The following NCOA2 variants were observed in gnomAD, a reference collection of about 807,000 sequenced individuals.
The protein encoded by NCOA2 is class E basic helix-loop-helix protein 75.
Under a neutral mutation model 145.1 loss-of-function variants are expected in NCOA2, and 21 were observed. The ratio of observed to expected loss-of-function variants is 0.14; its 90% confidence interval spans 0.10 to 0.21. The LOEUF is 0.21. NCOA2 is among the 10% of genes least tolerant of loss of function. NCOA2 has a pLI of 1.00. For synonymous variants in NCOA2, 619 were observed against 637.5 expected (o/e 0.97, Z 0.44); for missense variants, 1,472 against 1,837.6 (o/e 0.80, Z 3.64).
chr8:70,368,889 G>T (rs1290170673), intron 1 of NCOA2, among the ~76,000 whole-genome samples: 1 of 152,082 alleles, frequency 6.6e-6, no homozygotes, highest in Non-Finnish European at 1.5e-5. Context: ...AAGTCTGGCT[G>T]CTTATGTACT....
chr8:70,335,050 G>T (rs1228201100), intron 1 of NCOA2, among the ~76,000 whole-genome samples: 1 of 147,910 alleles, frequency 6.8e-6, no homozygotes. Flanking sequence ...TTGAACCTGG[G>T]AGGTGGAGGT....
At chr8:70,236,736 T>C (rs955603807) in intron 2 of NCOA2, among the ~76,000 whole-genome samples, 10 of 152,204 alleles carry the variant, frequency 6.6e-5, no homozygotes, top group African/African-American at 1.7e-4. Flanking sequence ...ACTATGTGCA[T>C]AGCATTTGCA....
intron 1 of NCOA2, among the ~76,000 whole-genome samples, chr8:70,389,632 A>C (rs1193863280): frequency 6.6e-6 from 1 of 151,856 alleles, no homozygotes; most frequent in East Asian, 1.9e-4. Flanking sequence ...GACAAGAACA[A>C]GGAGAATGTC....
Position 70,128,420 on chromosome 8 carries a change from T to A in NCOA2, c.3681+13A>T. ...GCATACAATGAAAGCTAATGGCTGG[T>A]ATGTTGCCTTACCTGTGTTGGTACT... On this transcript the variant is annotated intron_variant, in intron 18 of 22. Transcript: ENST00000452400. The A allele has an allele frequency of 1.3e-6, 2 of 1,599,006 alleles. No individual in the cohort carries two copies. Among genetic ancestry groups the A allele is most frequent in the Non-Finnish European group, 1.7e-6 (2 of 1,172,342 alleles).
intron 2 of NCOA2, among the ~76,000 whole-genome samples, chr8:70,293,735 T>C (rs1215142321): frequency 6.6e-6 from 1 of 152,222 alleles, no homozygotes; most frequent in African/African-American, 2.4e-5. Context: ...ATATAACTCT[T>C]GCTCCTGTTT....
chr8:70,157,148 T>C lies in NCOA2; in HGVS notation c.1217A>G (p.Gln406Arg). ...ACCTGGGTTCCCACTGCACAGGGCCTGATGGGCAGGGCTGTTAGAGCTAAT... is the reference window on the plus strand; with the variant it reads ...ACCTGGGTTCCCACTGCACAGGGCCCGATGGGCAGGGCTGTTAGAGCTAAT... Reference protein sequence around the residue: ...NPISSNSPAHQALCSGNPGQD... With the variant: ...NPISSNSPAHRALCSGNPGQD... The change falls in exon 11 of 23, where the codon CAG becomes CGG. Residue 406 changes from glutamine to arginine, a missense_variant. Gln to Arg is a conservative substitution (Grantham distance 43). Around this residue, in one of 4 missense-constraint regions of NCOA2, gnomAD observed 953 missense variants for 1,062.1 expected, o/e 0.90. Coordinates refer to ENST00000452400, the MANE Select transcript of NCOA2 (RefSeq NM_006540.4). 6.2e-7 allele frequency: 1 copy of C among 1,612,532 alleles called. No individual in the cohort carries two copies. The highest frequency in any genetic ancestry group is 1.1e-5 in the South Asian group (1 of 90,968).
intron 1 of NCOA2, among the ~76,000 whole-genome samples, chr8:70,370,088 C>T (rs529490718): frequency 1.3e-5 from 2 of 152,142 alleles, no homozygotes; most frequent in East Asian, 3.9e-4. Flanking sequence ...GTCTCGCCAT[C>T]TTGCCCAGCT....
intron 2 of NCOA2, among the ~76,000 whole-genome samples, chr8:70,224,610 T>C (rs1186656654): frequency 6.6e-6 from 1 of 152,140 alleles, no homozygotes; most frequent in Non-Finnish European, 1.5e-5. Flanking sequence ...GCTTATAAGG[T>C]GCAGATTTGT....
intron 2 of NCOA2, among the ~76,000 whole-genome samples, chr8:70,225,876 C>T (rs1820586422): frequency 6.6e-6 from 1 of 152,090 alleles, no homozygotes; most frequent in Non-Finnish European, 1.5e-5. Context: ...TTTAATTAAC[C>T]TCTTTGGAGC....
At chr8:70,315,901 T>C (rs904334569) in intron 1 of NCOA2, among the ~76,000 whole-genome samples, 9 of 152,180 alleles carry the variant, frequency 5.9e-5, no homozygotes, top group Non-Finnish European at 1.2e-4. Context: ...GAGGACTGAA[T>C]TGAGCCCTAA....
intron 22 of NCOA2, among the ~76,000 whole-genome samples, chr8:70,114,128 A>G (rs1219034263): frequency 6.6e-6 from 1 of 152,076 alleles, no homozygotes; most frequent in African/African-American, 2.4e-5. Context: ...GATACTCCCA[A>G]GGTTCTCTGG....
intron 2 of NCOA2, among the ~76,000 whole-genome samples, chr8:70,285,140 C>T (rs1826150090): frequency 1.3e-5 from 2 of 152,112 alleles, no homozygotes; most frequent in South Asian, 4.1e-4. Context: ...GAGCCTCATG[C>T]TTAACCATGT....
At chr8:70,410,233 T>C in the NCOA2 span, among the ~76,000 whole-genome samples, 3 of 151,960 alleles carry the variant, frequency 2.0e-5, no homozygotes, top group Admixed American at 2.0e-4. Context: ...AAACTGACAA[T>C]ATCAAATACT....
At chr8:70,350,493 C>T (rs752642787) in intron 1 of NCOA2, among the ~76,000 whole-genome samples, 1 of 152,176 alleles carries the variant, frequency 6.6e-6, no homozygotes, top group Non-Finnish European at 1.5e-5. Flanking sequence ...TGGGGACCCA[C>T]ATAATACACT....
At chr8:70,185,861 T>C (rs906338634) in intron 4 of NCOA2, among the ~76,000 whole-genome samples, 1 of 152,216 alleles carries the variant, frequency 6.6e-6, no homozygotes, top group African/African-American at 2.4e-5. Flanking sequence ...TTTTTGGCAA[T>C]TTGAGCAGTT....
At chr8:70,338,904 T>C (rs1418022636) in intron 1 of NCOA2, among the ~76,000 whole-genome samples, 1 of 152,028 alleles carries the variant, frequency 6.6e-6, no homozygotes, top group African/African-American at 2.4e-5. Context: ...CAACATCCCT[T>C]CATGTTAAAA....
intron 2 of NCOA2, among the ~76,000 whole-genome samples, chr8:70,285,335 C>T (rs1487485372): frequency 6.6e-6 from 1 of 152,202 alleles, no homozygotes; most frequent in Admixed American, 6.5e-5. Flanking sequence ...GTTTAGAACA[C>T]AGCATCCACC....
chr8:70,176,944 A>G (rs1563572917), intron 4 of NCOA2, among the ~76,000 whole-genome samples: 1 of 152,174 alleles, frequency 6.6e-6, no homozygotes, highest in Non-Finnish European at 1.5e-5. Context: ...CATGAATACT[A>G]AATCTCAAGG....
the NCOA2 span, among the ~76,000 whole-genome samples, chr8:70,411,347 A>G: frequency 1.1e-4 from 16 of 152,232 alleles, no homozygotes; most frequent in Admixed American, 1.0e-3. Flanking sequence ...TTATTTGCAG[A>G]TGGCATGAAT....
Sources: allele counts gnomAD v4.1 joint callset (sites outside exome capture counted in the v4.1 genomes callset), GRCh38; gene constraint gnomAD v4.1.1; regional missense constraint gnomAD v4.1.1; transcripts MANE v1.5; gene names NCBI Gene and HGNC (gene_info 2026-07-23, HGNC 2026-07-21).